Variants in TMEM132B observed in about 807,000 individuals in gnomAD.
The protein encoded by TMEM132B is transmembrane protein 132B.
A neutral mutation model predicts 90.8 loss-of-function variants in TMEM132B; 18 were observed. That is an observed-to-expected ratio of 0.20 (90% CI 0.14 to 0.29). TMEM132B has a LOEUF of 0.29. Among genes scored for constraint, TMEM132B ranks in the 10% least tolerant of loss-of-function variants. The pLI, the probability that TMEM132B is intolerant of heterozygous loss-of-function variation, is 1.00. For synonymous variants in TMEM132B, 504 were observed against 523.3 expected (o/e 0.96, Z 0.50); for missense variants, 1,096 against 1,326.8 (o/e 0.83, Z 2.70).
At chr12:125,344,896 G>A (rs1877306587) in intron 1 of TMEM132B, among the ~76,000 whole-genome samples, 2 of 152,180 alleles carry the variant, frequency 1.3e-5, no homozygotes, top group Non-Finnish European at 2.9e-5. Context: ...GTGGAAGACA[G>A]CATGGAAGAT....
At chr12:125,265,503 T>C (rs1874669302) in intron 1 of TMEM132B, among the ~76,000 whole-genome samples, 1 of 152,156 alleles carries the variant, frequency 6.6e-6, no homozygotes. Context: ...CAGTTGACCA[T>C]GGGTAACTGA....
chr12:125,299,340 T>C (rs1875755825), intron 1 of TMEM132B, among the ~76,000 whole-genome samples: 1 of 152,162 alleles, frequency 6.6e-6, no homozygotes, highest in African/African-American at 2.4e-5. Context: ...ACTGGCTTAC[T>C]TCCTGCCTCC....
rs139843231 is a variant in TMEM132B, at chr12:125,599,540, G to A, written c.1437+15546G>A. 6.0e-4 allele frequency among the ~76,000 whole-genome samples: 91 copies of A among 152,284 alleles called. 1 individual carries two copies. The highest frequency in any genetic ancestry group is 1.0e-3 in the Non-Finnish European group (68 of 68,010). On this transcript the variant is annotated intron_variant, in intron 5 of 8. Transcript: ENST00000682704. Reference sequence around the variant, plus strand: ...GAGAATTGAGGGTGGGGATGGGCTGGTGAGTGGTGTAGGGTGTGTGGGAGC... The same window carrying A: ...GAGAATTGAGGGTGGGGATGGGCTGATGAGTGGTGTAGGGTGTGTGGGAGC...
intron 2 of TMEM132B, among the ~76,000 whole-genome samples, chr12:125,374,209 G>A (rs1357725476): frequency 1.3e-5 from 2 of 152,228 alleles, no homozygotes; most frequent in Non-Finnish European, 2.9e-5. Flanking sequence ...CTTTAGGGAT[G>A]TTCCTTTGGG....
At chr12:125,321,862 AG>A (rs1023393075) in intron 1 of TMEM132B, among the ~76,000 whole-genome samples, 1 of 152,158 alleles carries the variant, frequency 6.6e-6, no homozygotes, top group African/African-American at 2.4e-5. Flanking sequence ...AAAAAAAAAA[AG>A]ACCTGTTTAT....
chr12:125,356,045 G>A (rs1877762827), intron 2 of TMEM132B, among the ~76,000 whole-genome samples: 1 of 152,080 alleles, frequency 6.6e-6, no homozygotes, highest in Admixed American at 6.5e-5. Flanking sequence ...GTTGGGGTAG[G>A]TCTTTGCTAC....
In TMEM132B at chr12:125,415,797, A is replaced by G. The variant is rs1385781133; in HGVS notation, c.1106+120A>G. ...ATGCCTCTGCGTTTAATGAGAAATG[A>G]TTTTTGAGGTCGGCAGTCTCAAAAA... On this transcript the variant is annotated intron_variant, in intron 3 of 8. Transcript: ENST00000682704. This position sits in a 1 kb window ranked among gnomAD's most constrained non-coding sequence, Gnocchi z 5.3. The G allele has an allele frequency of 7.7e-7, 1 of 1,295,020 alleles. No individual in the cohort carries two copies. Among genetic ancestry groups the G allele is most frequent in the Non-Finnish European group, 1.0e-6 (1 of 986,140 alleles). 80.2% of individuals were successfully genotyped at this position (1,295,020 alleles called of 1,614,324 possible).
intron 1 of TMEM132B, among the ~76,000 whole-genome samples, chr12:125,339,135 G>T (rs146507802): frequency 1.3e-5 from 2 of 152,282 alleles, no homozygotes; most frequent in East Asian, 3.9e-4. Flanking sequence ...GGAAAGCAGG[G>T]AAGTCTAGCT....
chr12:125,228,677 C>G (rs1873739319), intron 1 of TMEM132B, among the ~76,000 whole-genome samples: 1 of 152,104 alleles, frequency 6.6e-6, no homozygotes, highest in African/African-American at 2.4e-5. Flanking sequence ...ATCGAATGCT[C>G]TCTGCAGCAG....
In TMEM132B at chr12:125,313,269, G is replaced by C. The variant is rs191792596; in HGVS notation, c.68-36183G>C. 2.2e-3 allele frequency among the ~76,000 whole-genome samples: 337 copies of C among 152,208 alleles called. 2 individuals carry two copies. Among genetic ancestry groups the C allele is most frequent in the African/African-American group, 7.3e-3 (303 of 41,522 alleles). On this transcript the variant is annotated intron_variant, in intron 1 of 8. Coordinates refer to ENST00000682704, the MANE Select transcript of TMEM132B (RefSeq NM_001366854.1). ...CACCTAGCAAGGGTCAGTAAACCTT[G>C]GTTTTGAGAATGATTTGAATCTGTG...
At chr12:125,210,804 G>C (rs1460297432) in intron 1 of TMEM132B, among the ~76,000 whole-genome samples, 1 of 152,020 alleles carries the variant, frequency 6.6e-6, no homozygotes, top group Non-Finnish European at 1.5e-5. Context: ...CTTTACAAAA[G>C]ATAAAACAAT....
At chr12:125,626,680 C>T (rs976460835) in intron 5 of TMEM132B, among the ~76,000 whole-genome samples, 2 of 152,066 alleles carry the variant, frequency 1.3e-5, no homozygotes, top group Non-Finnish European at 2.9e-5. Context: ...TATCCATCTT[C>T]TTCTGTAGCT....
chr12:125,355,180 G>A (rs1877726586), intron 2 of TMEM132B, among the ~76,000 whole-genome samples: 2 of 152,034 alleles, frequency 1.3e-5, no homozygotes, highest in African/African-American at 2.4e-5. Flanking sequence ...AAAATGCATT[G>A]AGATTGTGGA....
rs1879528982 is a variant in TMEM132B at position 125,407,405 on chromosome 12, T to C, written c.960-8126T>C. On this transcript the variant is annotated intron_variant, in intron 2 of 8. Transcript: ENST00000682704. The surrounding 1 kb of genome is among the most constrained non-coding windows in gnomAD (Gnocchi z 6.7). ...CTGGTCTAAGTAGAAGACAGAAAGATGCAGGTGTGTACTCACAGAGCAGGT... is the reference window on the plus strand; with the variant it reads ...CTGGTCTAAGTAGAAGACAGAAAGACGCAGGTGTGTACTCACAGAGCAGGT... 6.6e-6 allele frequency among the ~76,000 whole-genome samples: 1 copy of C among 152,200 alleles called. No homozygotes were observed. The highest frequency in any genetic ancestry group is 2.1e-4 in the South Asian group (1 of 4,834).
intron 2 of TMEM132B, among the ~76,000 whole-genome samples, chr12:125,396,650 G>A (rs1271165062): frequency 6.6e-6 from 1 of 151,994 alleles, no homozygotes; most frequent in Non-Finnish European, 1.5e-5. Flanking sequence ...GGGACTGCAG[G>A]CACGTGCCAC....
At chr12:125,470,583 C>T (rs1478291634) in intron 3 of TMEM132B, among the ~76,000 whole-genome samples, 1 of 152,272 alleles carries the variant, frequency 6.6e-6, no homozygotes, top group African/African-American at 2.4e-5. Flanking sequence ...TCCACTAAAC[C>T]CAGTTTCTTT....
chr12:125,474,780 T>TA (rs367859661), intron 3 of TMEM132B, among the ~76,000 whole-genome samples: 31 of 152,298 alleles, frequency 2.0e-4, no homozygotes, highest in African/African-American at 7.5e-4. Flanking sequence ...GCTGTCAGGA[T>TA]ACATCCTCTG....
chr12:125,440,541 C>T (rs180948286), intron 3 of TMEM132B, among the ~76,000 whole-genome samples: 36 of 152,220 alleles, frequency 2.4e-4, no homozygotes, highest in East Asian at 1.5e-3. Context: ...ATTATTTTCC[C>T]GTTAATAAAT....
chr12:125,210,799 C>A (rs1565975930), intron 1 of TMEM132B, among the ~76,000 whole-genome samples: 1 of 151,872 alleles, frequency 6.6e-6, no homozygotes, highest in Non-Finnish European at 1.5e-5. Context: ...CCTGTCTTTA[C>A]AAAAGATAAA....
Sources: allele counts gnomAD v4.1 joint callset (sites outside exome capture counted in the v4.1 genomes callset), GRCh38; gene constraint gnomAD v4.1.1; non-coding constraint Gnocchi (gnomAD v3.1); transcripts MANE v1.5; gene names NCBI Gene and HGNC (gene_info 2026-07-23, HGNC 2026-07-21).